The following CAMTA1 variants were observed in gnomAD, a reference collection of about 807,000 sequenced individuals.
CAMTA1 encodes calmodulin-binding transcription activator 1.
In CAMTA1, 27 loss-of-function variants were observed where a neutral mutation model predicts 170.9. The ratio of observed to expected loss-of-function variants is 0.16; its 90% confidence interval spans 0.12 to 0.22. The LOEUF is 0.22. Among genes scored for constraint, CAMTA1 ranks in the 10% least tolerant of loss-of-function variants. CAMTA1 has a pLI of 1.00. For missense variants in CAMTA1, 1,619 were observed against 2,217.2 expected (o/e 0.73, Z 5.42); for synonymous variants, 833 against 891.5 (o/e 0.93, Z 1.17).
intron 1 of CAMTA1, among the ~76,000 whole-genome samples, chr1:6,794,846 T>C (rs1434608710): frequency 2.6e-5 from 4 of 152,184 alleles, no homozygotes; most frequent in African/African-American, 9.6e-5. Context: ...TTATAATCTT[T>C]TTTATTAGTT....
chr1:7,483,658 T>C (rs1372860907), intron 6 of CAMTA1, among the ~76,000 whole-genome samples: 1 of 152,138 alleles, frequency 6.6e-6, no homozygotes, highest in Non-Finnish European at 1.5e-5. Flanking sequence ...AGAGCTGGCA[T>C]CTTGCTGACC....
chr1:7,371,925 G>T (rs2086504651), intron 5 of CAMTA1, among the ~76,000 whole-genome samples: 1 of 152,206 alleles, frequency 6.6e-6, no homozygotes, highest in Non-Finnish European at 1.5e-5. Context: ...GGAAGGTTCT[G>T]CATCATCTCA....
intron 7 of CAMTA1, among the ~76,000 whole-genome samples, chr1:7,655,231 CA>C (rs1156482312): frequency 4.0e-5 from 6 of 149,098 alleles, no homozygotes; most frequent in Non-Finnish European, 8.9e-5. Context: ...TATACACACA[CA>C]CACCTATACA....
chr1:7,468,156 G>A (rs2149544120), intron 6 of CAMTA1, among the ~76,000 whole-genome samples: 1 of 152,346 alleles, frequency 6.6e-6, no homozygotes, highest in South Asian at 2.1e-4. Context: ...AAACCTAGGT[G>A]CTTCCAGCTT....
At chr1:7,741,723 C>T (rs1189882311) in intron 16 of CAMTA1, among the ~76,000 whole-genome samples, 8 of 151,940 alleles carry the variant, frequency 5.3e-5, no homozygotes, top group African/African-American at 1.9e-4. Flanking sequence ...GGTGAAACTC[C>T]GTCTCTACTA....
Position 7,745,026 on chromosome 1 carries a change from A to C in CAMTA1, c.4370+4A>C, listed in dbSNP as rs768306203. On this transcript the variant is annotated splice_donor_region_variant and intron_variant, in intron 17 of 22. Transcript: ENST00000303635. ...TTCCCAGTGCTGCCCAGATCCGGTG[A>C]GTAAAGTTACGGAGGTCACTACCCA... 20 of 1,608,706 alleles carry C rather than the reference A, an allele frequency of 1.2e-5. No homozygotes were observed. The Admixed American group carries it at 2.9e-4, about 23-fold the overall frequency.
chr1:6,996,744 C>A (rs1031941277), intron 3 of CAMTA1, among the ~76,000 whole-genome samples: 8 of 151,924 alleles, frequency 5.3e-5, no homozygotes, highest in African/African-American at 1.9e-4. Context: ...AGAAACTTAC[C>A]CAGTCTTATT....
rs1375792001 is a variant in CAMTA1, at chr1:7,362,342, T to TTGGACTTGGGTACAGGTGG, written c.439-105478_439-105460dup. The stretch of plus-strand genomic sequence containing the variant: ...GAACTGGTGGACTTGAATAGGATTA[T>TTGGACTTGGGTACAGGTGG]TGGACTTGGGTACAGGTGGTGGACT... On this transcript the variant is annotated intron_variant, in intron 5 of 22. Transcript: ENST00000303635. Among the ~76,000 whole-genome samples the TTGGACTTGGGTACAGGTGG allele has an allele frequency of 2.0e-5, 3 of 151,294 alleles. No individual in the cohort carries two copies. In the East Asian group the frequency reaches 6.0e-4, roughly 30 times the overall value.
chr1:7,205,665 G>A (rs1490679861), intron 4 of CAMTA1, among the ~76,000 whole-genome samples: 1 of 151,912 alleles, frequency 6.6e-6, no homozygotes, highest in Non-Finnish European at 1.5e-5. Flanking sequence ...CAACCTTTTT[G>A]TGTCTTTGAA....
At chr1:7,197,430 G>A (rs1453340913) in intron 4 of CAMTA1, among the ~76,000 whole-genome samples, 1 of 152,034 alleles carries the variant, frequency 6.6e-6, no homozygotes, top group Non-Finnish European at 1.5e-5. Flanking sequence ...CCCACACAGG[G>A]TTCGGGAGAC....
At chr1:7,559,868 T>G (rs1305331152) in intron 6 of CAMTA1, among the ~76,000 whole-genome samples, 1 of 152,210 alleles carries the variant, frequency 6.6e-6, no homozygotes, top group Non-Finnish European at 1.5e-5. Flanking sequence ...AGGGCCTGAC[T>G]GCAGGAGAAT....
intron 6 of CAMTA1, among the ~76,000 whole-genome samples, chr1:7,582,385 G>A (rs1296112570): frequency 6.6e-6 from 1 of 152,152 alleles, no homozygotes. Flanking sequence ...CTGCATCCTT[G>A]GGTGTGTCCA....
chr1:7,365,552 T>C (rs571138562), intron 5 of CAMTA1, among the ~76,000 whole-genome samples: 9 of 152,350 alleles, frequency 5.9e-5, no homozygotes, highest in African/African-American at 2.2e-4. Context: ...TGGACTTCCC[T>C]GGGCCTGCTG....
chr1:7,003,543 C>T (rs1250444032), intron 3 of CAMTA1, among the ~76,000 whole-genome samples: 1 of 152,136 alleles, frequency 6.6e-6, no homozygotes, highest in African/African-American at 2.4e-5. Flanking sequence ...TGATGGAATC[C>T]CAGCACTTAC....
At chr1:7,616,594 G>A (rs576663909) in intron 6 of CAMTA1, among the ~76,000 whole-genome samples, 1 of 152,322 alleles carries the variant, frequency 6.6e-6, no homozygotes, top group South Asian at 2.1e-4. Context: ...TTTGGAAGAG[G>A]GTCCTTCCCC....
chr1:7,681,718 G>A lies in CAMTA1; in HGVS notation c.2914+3985G>A, dbSNP rs137878856. ...TCCTATGGATACAACAGCCAGGGCC[G>A]TGCTGAACTTCAAGAGGATGCTGTC... On this transcript the variant is annotated intron_variant, in intron 11 of 22. Transcript: ENST00000303635. This position sits in a 1 kb window ranked among gnomAD's most constrained non-coding sequence, Gnocchi z 4.6. 1.1e-3 allele frequency among the ~76,000 whole-genome samples: 164 copies of A among 152,342 alleles called. No homozygotes were observed. The highest frequency in any genetic ancestry group is 3.7e-3 in the African/African-American group (154 of 41,580).
At chr1:7,035,051 A>G (rs1703387772) in intron 3 of CAMTA1, among the ~76,000 whole-genome samples, 1 of 152,218 alleles carries the variant, frequency 6.6e-6, no homozygotes, top group Non-Finnish European at 1.5e-5. Context: ...TTTTAAAAGC[A>G]CATTAGAAGT....
chr1:6,807,719 CAAA>C (rs35402432), intron 1 of CAMTA1, among the ~76,000 whole-genome samples: 105 of 104,834 alleles, frequency 1.0e-3, no homozygotes, highest in African/African-American at 3.4e-3. Context: ...GACTTCATCT[CAAA>C]AAAAAAAAAA....
chr1:6,930,963 G>A (rs1684303244), intron 3 of CAMTA1, among the ~76,000 whole-genome samples: 1 of 152,220 alleles, frequency 6.6e-6, no homozygotes, highest in Non-Finnish European at 1.5e-5. Flanking sequence ...ACACATCTGG[G>A]CCCTAGCTTT....
Sources: allele counts gnomAD v4.1 joint callset (sites outside exome capture counted in the v4.1 genomes callset), GRCh38; gene constraint gnomAD v4.1.1; non-coding constraint Gnocchi (gnomAD v3.1); transcripts MANE v1.5; gene names NCBI Gene and HGNC (gene_info 2026-07-23, HGNC 2026-07-21).